The following NTNG1 variants were observed in gnomAD, a reference collection of about 807,000 sequenced individuals.
NTNG1 encodes the protein netrin G1.
NTNG1 carries 16 observed loss-of-function variants against 54.0 expected under a neutral mutation model. That is an observed-to-expected ratio of 0.30 (90% CI 0.20 to 0.45). The LOEUF (loss-of-function observed/expected upper bound fraction) is 0.45, where lower values mean the gene tolerates loss of function less well. Among genes scored for constraint, NTNG1 ranks in the 20% least tolerant of loss-of-function variants. The pLI is 1.00. For missense variants in NTNG1, 530 were observed against 678.7 expected, an observed-to-expected ratio of 0.78 and a Z score of 2.43; for synonymous variants, 255 against 263.1, an observed-to-expected ratio of 0.97 and a Z score of 0.30.
chr1:107,291,910 CAG>C (rs2101766931), intron 2 of NTNG1, among the ~76,000 whole-genome samples: 1 of 151,898 alleles, frequency 6.6e-6, no homozygotes, highest in African/African-American at 2.4e-5. Context: ...ATGTATATGA[CAG>C]AGTTAATAAT....
intron 2 of NTNG1, among the ~76,000 whole-genome samples, chr1:107,228,848 T>C (rs754663804): frequency 7.9e-5 from 12 of 152,086 alleles, no homozygotes; most frequent in Non-Finnish European, 1.3e-4. Flanking sequence ...ACCAGGTAAG[T>C]GAACATAAAT....
chr1:107,477,537 A>C (rs1191917509), intron 7 of NTNG1, among the ~76,000 whole-genome samples: 1 of 152,178 alleles, frequency 6.6e-6, no homozygotes, highest in Non-Finnish European at 1.5e-5. Context: ...AATACAGTAC[A>C]CTTTCACATC....
At chr1:107,315,325 T>C (rs941712567) in intron 2 of NTNG1, among the ~76,000 whole-genome samples, 1 of 152,136 alleles carries the variant, frequency 6.6e-6, no homozygotes, top group African/African-American at 2.4e-5. Context: ...TACGGGTTGC[T>C]CTGCTTCTGC....
At chr1:107,277,197 C>A (rs1485614696) in intron 2 of NTNG1, among the ~76,000 whole-genome samples, 1 of 152,186 alleles carries the variant, frequency 6.6e-6, no homozygotes, top group East Asian at 1.9e-4. Flanking sequence ...AATATCCTTG[C>A]TGAACTCAGT....
intron 2 of NTNG1, among the ~76,000 whole-genome samples, chr1:107,298,057 G>T (rs951934014): frequency 6.6e-6 from 1 of 152,060 alleles, no homozygotes; most frequent in African/African-American, 2.4e-5. Context: ...TTTTAAAAAT[G>T]ACTCAAAATA....
chr1:107,432,672 TAAA>T (rs1256895080), intron 6 of NTNG1, among the ~76,000 whole-genome samples: 5 of 152,106 alleles, frequency 3.3e-5, no homozygotes, highest in African/African-American at 1.2e-4. Flanking sequence ...CCAGAAAAAC[TAAA>T]ATAAATAGGA....
At position 107,316,693 on chromosome 1, in the gene NTNG1, C is replaced by A. The variant is rs148320528; in HGVS notation, c.247-7589C>A. 1.4e-3 allele frequency among the ~76,000 whole-genome samples: 206 copies of A among 152,282 alleles called. 1 individual carries two copies. Among genetic ancestry groups the A allele is most frequent in the African/African-American group, 4.9e-3 (204 of 41,552 alleles). On this transcript the variant is annotated intron_variant, in intron 2 of 7. Transcript: ENST00000370068. ...AAATGGCATTGTGTTGTTGATGACT[C>A]AGTTTACCCTCAAGGACACCTAATC... is the stretch of plus-strand genomic sequence containing the variant.
intron 2 of NTNG1, among the ~76,000 whole-genome samples, chr1:107,168,251 CT>C (rs916852669): frequency 6.6e-6 from 1 of 151,424 alleles, no homozygotes; most frequent in African/African-American, 2.4e-5. Context: ...TGGTAAAGTC[CT>C]CATTTTCACT....
chr1:107,264,966 T>C (rs1331177243), intron 2 of NTNG1, among the ~76,000 whole-genome samples: 1 of 152,242 alleles, frequency 6.6e-6, no homozygotes, highest in African/African-American at 2.4e-5. Flanking sequence ...CTCTCTCACC[T>C]GCTGTTGAGC....
At chr1:107,405,486 T>G (rs1231969035) in intron 4 of NTNG1, among the ~76,000 whole-genome samples, 2 of 152,068 alleles carry the variant, frequency 1.3e-5, no homozygotes, top group African/African-American at 4.8e-5. Context: ...CCTCGCTTGG[T>G]GAGGTTTGGA....
intron 3 of NTNG1, among the ~76,000 whole-genome samples, chr1:107,347,964 T>C (rs1175688652): frequency 7.9e-5 from 12 of 152,088 alleles, no homozygotes; most frequent in Non-Finnish European, 1.6e-4. Context: ...GTGGTGATCA[T>C]GAGGATTACA....
intron 3 of NTNG1, among the ~76,000 whole-genome samples, chr1:107,390,511 A>G (rs954274141): frequency 6.6e-6 from 1 of 152,186 alleles, no homozygotes; most frequent in African/African-American, 2.4e-5. Flanking sequence ...TGGGTTTATG[A>G]TATCTCACAA....
intron 5 of NTNG1, among the ~76,000 whole-genome samples, chr1:107,410,886 G>A (rs1673754631): frequency 6.6e-6 from 1 of 152,036 alleles, no homozygotes; most frequent in Admixed American, 6.6e-5. Flanking sequence ...GCAAGAATTG[G>A]CCTAATGTGC....
chr1:107,463,419 A>G (rs1012751931), intron 7 of NTNG1, among the ~76,000 whole-genome samples: 1 of 152,060 alleles, frequency 6.6e-6, no homozygotes, highest in Admixed American at 6.5e-5. Flanking sequence ...ATAAAAATCC[A>G]TTTATCCTGA....
intron 6 of NTNG1, among the ~76,000 whole-genome samples, chr1:107,432,029 T>A (rs958939560): frequency 6.6e-6 from 1 of 152,202 alleles, no homozygotes; most frequent in Non-Finnish European, 1.5e-5. Flanking sequence ...GTATATATAA[T>A]ACTGTTGGTG....
chr1:107,243,629 AC>A (rs147533423), intron 2 of NTNG1, among the ~76,000 whole-genome samples: 2,609 of 152,270 alleles, frequency 0.017, 63 homozygotes, highest in African/African-American at 0.06. Flanking sequence ...GTTCACAGGC[AC>A]GGTCGTAGTG....
intron 2 of NTNG1, among the ~76,000 whole-genome samples, chr1:107,171,537 C>T (rs772838910): frequency 2.0e-5 from 3 of 152,068 alleles, no homozygotes; most frequent in Non-Finnish European, 4.4e-5. Context: ...GGTTCTTTTT[C>T]GGTCTCCTCA....
chr1:107,431,562 C>T (rs1049249908), intron 6 of NTNG1, among the ~76,000 whole-genome samples: 2 of 152,034 alleles, frequency 1.3e-5, no homozygotes, highest in African/African-American at 2.4e-5. Flanking sequence ...CCACAGAGGC[C>T]CCTGAGCACT....
intron 2 of NTNG1, among the ~76,000 whole-genome samples, chr1:107,246,145 G>A (rs1170042068): frequency 6.6e-6 from 1 of 152,070 alleles, no homozygotes; most frequent in African/African-American, 2.4e-5. Context: ...TCCGCCTCCT[G>A]GGTTCATGCC....
Sources: allele counts gnomAD v4.1 joint callset (sites outside exome capture counted in the v4.1 genomes callset), GRCh38; gene constraint gnomAD v4.1.1; transcripts MANE v1.5; gene names NCBI Gene and HGNC (gene_info 2026-07-23, HGNC 2026-07-21).